Variants in ASIP observed in about 807,000 individuals in gnomAD.
The protein encoded by ASIP is agouti-signaling protein.
A neutral mutation model predicts 10.3 loss-of-function variants in ASIP; 11 were observed. The observed-to-expected ratio is 1.07, with a 90% CI of 0.68 to 1.78. The LOEUF (loss-of-function observed/expected upper bound fraction) is 1.78, where lower values mean the gene tolerates loss of function less well. ASIP is among the 40% of genes most tolerant of loss of function. ASIP has a pLI of 0.00. For synonymous variants in ASIP, 70 were observed against 70.8 expected (o/e 0.99, Z 0.06); for missense variants, 180 against 169.2 (o/e 1.06, Z -0.35).
chr20:34,192,301 G>A (rs770978092), upstream of ASIP, among the ~76,000 whole-genome samples: 8 of 152,190 alleles, frequency 5.3e-5, no homozygotes, highest in Non-Finnish European at 7.4e-5. Context: ...AAAGTGCTGG[G>A]ATTACAGGCA....
upstream of ASIP, among the ~76,000 whole-genome samples, chr20:34,239,930 A>G (rs1406222782): frequency 6.6e-6 from 1 of 152,240 alleles, no homozygotes; most frequent in Non-Finnish European, 1.5e-5. Context: ...GAAGCAATAC[A>G]TTGTGACTGT....
At position 34,262,871 on chromosome 20, in the gene ASIP, C is replaced by A; in HGVS notation, c.200C>A (p.Ala67Glu). The A allele has an allele frequency of 6.2e-7, 1 of 1,613,980 alleles. No homozygotes were observed. The highest frequency in any genetic ancestry group is 1.6e-4 in the Middle Eastern group (1 of 6,062). ...KKSKQIGRKA[A>E]EKKRSSKKEA... is the part of the protein sequence containing the mutation. ...TCCAAACAGATCGGCAGAAAAGCAGCAGAAAAGAAAAGATCTTCTAAGGTA... is the reference window on the plus strand; with the variant it reads ...TCCAAACAGATCGGCAGAAAAGCAGAAGAAAAGAAAAGATCTTCTAAGGTA... The change falls in exon 3 of 4, where the codon GCA becomes GAA. Residue 67 changes from alanine to glutamate, a missense_variant. Physicochemically the swap from Ala to Glu is moderately radical, Grantham distance 107 (BLOSUM62 -1). Transcript: ENST00000374954.
intron 1 of ASIP, among the ~76,000 whole-genome samples, chr20:34,258,262 C>T (rs746650451): frequency 4.6e-5 from 7 of 151,456 alleles, no homozygotes; most frequent in African/African-American, 1.2e-4. Context: ...ACAATCTAGA[C>T]GGAGTTGGCA....
chr20:34,213,672 G>A, intron 1 of ASIP: 1 of 1,550,472 alleles, frequency 6.4e-7, no homozygotes, highest in Non-Finnish European at 8.9e-7. Flanking sequence ...CACAATCTTT[G>A]AGTATATGTT....
At chr20:34,205,648 C>CTTTTTTTTTTTTTTTTTTTTTTTTTT (rs2034930929) in intron 1 of ASIP, among the ~76,000 whole-genome samples, 1 of 145,416 alleles carries the variant, frequency 6.9e-6, no homozygotes, top group African/African-American at 2.7e-5. Flanking sequence ...GTCGCTTGGT[C>CTTTTTTTTTTTTTTTTTTTTTTTTTT]TATTTTACAG....
intron 1 of ASIP, among the ~76,000 whole-genome samples, chr20:34,255,501 A>T (rs1033173484): frequency 6.6e-6 from 1 of 152,170 alleles, no homozygotes; most frequent in Non-Finnish European, 1.5e-5. Flanking sequence ...GACCGAGGGC[A>T]CAAGCTGCTC....
At chr20:34,256,856 C>T in intron 1 of ASIP, among the ~76,000 whole-genome samples, 1 of 152,132 alleles carries the variant, frequency 6.6e-6, no homozygotes, top group Non-Finnish European at 1.5e-5. Flanking sequence ...TCACAGCTCA[C>T]TGTAGCCTCA....
chr20:34,260,629 C>A, intron 2 of ASIP, 95 bp downstream of exon 2: 1 of 1,329,168 alleles, frequency 7.5e-7, no homozygotes, highest in Non-Finnish European at 1.0e-6. Context: ...CCGCCATGGT[C>A]ACGGCTCCTT....
rs1305809388 is a variant in ASIP, at chr20:34,230,779, CG to C, written c.-10-29585del. Among the ~76,000 whole-genome samples, 13 of 42,258 alleles carry C rather than the reference CG, an allele frequency of 3.1e-4. No individual in the cohort carries two copies. The South Asian group carries it at 3.5e-3, about 11-fold the overall frequency. 27.7% of individuals were successfully genotyped at this position (42,258 alleles called of 152,430 possible). A position where few individuals can be genotyped will look rare whatever the true frequency, so the allele number is the denominator to read the frequency against. On this transcript the variant is annotated intron_variant, in intron 1 of 3. Coordinates refer to the ASIP transcript ENST00000568305. ...CTGGCCTGGCCGGGGCTGACCCCCC[CG>C]CACCTCCCTCCCGGACGGGGTGGCT...
At chr20:34,216,263 C>T (rs1157069160) in intron 1 of ASIP, among the ~76,000 whole-genome samples, 1 of 152,220 alleles carries the variant, frequency 6.6e-6, no homozygotes, top group Non-Finnish European at 1.5e-5. Context: ...GCCGCCGCCG[C>T]CGTCGCCGCT....
intron 1 of ASIP, among the ~76,000 whole-genome samples, chr20:34,211,372 T>C (rs1381117146): frequency 6.6e-6 from 1 of 152,256 alleles, no homozygotes; most frequent in Non-Finnish European, 1.5e-5. Context: ...CTCATTGCCA[T>C]ATATTTTAAT....
chr20:34,243,770 A>AAC, intron 1 of ASIP, among the ~76,000 whole-genome samples: 1 of 151,890 alleles, frequency 6.6e-6, no homozygotes, highest in African/African-American at 2.4e-5. Flanking sequence ...AAAAAAAAAA[A>AAC]AAAAAACTGT....
At chr20:34,262,733 G>T in intron 2 of ASIP, 99 bp from the exon 3 acceptor site, 1 of 1,346,058 alleles carries the variant, frequency 7.4e-7, no homozygotes. Context: ...TCCTCTCCCT[G>T]ACCTTGTGAC....
chr20:34,268,258 T>C (rs2035822044), intron 3 of ASIP, among the ~76,000 whole-genome samples: 1 of 152,154 alleles, frequency 6.6e-6, no homozygotes, highest in African/African-American at 2.4e-5. Flanking sequence ...AGCAGCAAGC[T>C]GTGGCAGCAG....
chr20:34,198,056 ATT>A (rs35269112), intron 1 of ASIP, among the ~76,000 whole-genome samples: 2,065 of 132,294 alleles, frequency 0.016, 14 homozygotes, highest in Non-Finnish European at 0.022. Context: ...TGATTGCTTA[ATT>A]TTTTTTTTTT....
intron 1 of ASIP, among the ~76,000 whole-genome samples, chr20:34,243,715 T>C (rs1392247128): frequency 6.6e-6 from 1 of 151,530 alleles, no homozygotes; most frequent in Non-Finnish European, 1.5e-5. Context: ...CATTTTTAAA[T>C]TTTACATCTT....
chr20:34,205,695 G>C lies in ASIP; in HGVS notation c.-11+10935G>C, dbSNP rs571233672. Among the ~76,000 whole-genome samples the C allele has an allele frequency of 2.5e-4, 35 of 139,680 alleles. 1 individual carries two copies. The highest frequency in any genetic ancestry group is 9.8e-4 in the African/African-American group (32 of 32,660). 91.6% of individuals were successfully genotyped at this position (139,680 alleles called of 152,430 possible). On this transcript the variant is annotated intron_variant, in intron 1 of 3. Coordinates refer to the ASIP transcript ENST00000568305. ...CTCCATTTTACAGAGCGCTGATTTT[G>C]CCGTTTTACAGAGTGCTGATTGGTG...
chr20:34,222,828 C>A (rs2035058243), intron 1 of ASIP, among the ~76,000 whole-genome samples: 1 of 152,066 alleles, frequency 6.6e-6, no homozygotes, highest in African/African-American at 2.4e-5. Context: ...CGGGGTTTCG[C>A]TGTGTTGGCC....
chr20:34,264,316 C>G lies in ASIP; in HGVS notation c.222+1423C>G, dbSNP rs141601039. On this transcript the variant is annotated intron_variant, in intron 3 of 3. Coordinates refer to ENST00000374954, the MANE Select transcript of ASIP (RefSeq NM_001672.3). ...GTGAAGATACCTCCTGTTGCCATTGCGGCATGCTCAGGTGTTGCGAGTACG... is the reference window on the plus strand; with the variant it reads ...GTGAAGATACCTCCTGTTGCCATTGGGGCATGCTCAGGTGTTGCGAGTACG... Among the ~76,000 whole-genome samples the G allele has an allele frequency of 2.4e-3, 368 of 152,268 alleles. 2 individuals carry two copies. In the East Asian group the frequency reaches 0.027, roughly 11 times the overall value.
Sources: allele counts gnomAD v4.1 joint callset (sites outside exome capture counted in the v4.1 genomes callset), GRCh38; gene constraint gnomAD v4.1.1; transcripts MANE v1.5; gene names NCBI Gene and HGNC (gene_info 2026-07-23, HGNC 2026-07-21).